SMYD3: variants seen among roughly 807,000 people sequenced by gnomAD.
SMYD3 encodes the protein SET and MYND domain containing 3.
Under a neutral mutation model 57.7 loss-of-function variants are expected in SMYD3, and 36 were observed. The ratio of observed to expected loss-of-function variants is 0.62; its 90% CI spans 0.48 to 0.82. The LOEUF (loss-of-function observed/expected upper bound fraction) is 0.82, where lower values mean the gene tolerates loss of function less well. Ranked by LOEUF, SMYD3 falls within the 40% of genes least tolerant of loss-of-function variation. The pLI, the probability that SMYD3 is intolerant of heterozygous loss-of-function variation, is 0.00. For synonymous variants in SMYD3, 211 were observed against 195.0 expected (o/e 1.08, Z -0.68); for missense variants, 515 against 538.8 (o/e 0.96, Z 0.44).
At chr1:246,142,348 G>A (rs533645782) in intron 5 of SMYD3, among the ~76,000 whole-genome samples, 3 of 152,044 alleles carry the variant, frequency 2.0e-5, no homozygotes, top group East Asian at 1.9e-4. Context: ...CAACCTCAGC[G>A]TATTTTTTTT....
At chr1:245,935,735 A>G (rs950654868) in intron 5 of SMYD3, among the ~76,000 whole-genome samples, 6 of 152,250 alleles carry the variant, frequency 3.9e-5, no homozygotes, top group Non-Finnish European at 5.9e-5. Flanking sequence ...ATTTGCAAGA[A>G]TATGGATGAA....
At chr1:245,804,177 TTGG>T (rs1434086760) in intron 10 of SMYD3, among the ~76,000 whole-genome samples, 3 of 152,056 alleles carry the variant, frequency 2.0e-5, no homozygotes, top group Non-Finnish European at 2.9e-5. Flanking sequence ...TCCCAAAGTG[TTGG>T]GATTACAGGC....
chr1:246,195,757 A>G (rs1558307121), intron 5 of SMYD3, among the ~76,000 whole-genome samples: 1 of 152,172 alleles, frequency 6.6e-6, no homozygotes, highest in Non-Finnish European at 1.5e-5. Flanking sequence ...GTAATACAAC[A>G]TCGCATACCT....
intron 1 of SMYD3, among the ~76,000 whole-genome samples, chr1:246,414,149 G>A (rs913694139): frequency 1.4e-4 from 21 of 152,126 alleles, no homozygotes; most frequent in Admixed American, 1.3e-3. Context: ...CCTACCCCTA[G>A]AGCAGTCAGA....
intron 10 of SMYD3, among the ~76,000 whole-genome samples, chr1:245,824,862 A>C (rs2148354919): frequency 6.6e-6 from 1 of 151,308 alleles, no homozygotes; most frequent in Non-Finnish European, 1.5e-5. Flanking sequence ...GTCTCAAAAA[A>C]AAAAAAACAA....
At chr1:246,001,237 C>A (rs1419018096) in intron 5 of SMYD3, among the ~76,000 whole-genome samples, 1 of 152,150 alleles carries the variant, frequency 6.6e-6, no homozygotes, top group Non-Finnish European at 1.5e-5. Flanking sequence ...AATGACATCT[C>A]GGAAAGTGTT....
chr1:246,455,441 T>C (rs571769865), intron 1 of SMYD3, among the ~76,000 whole-genome samples: 53 of 152,320 alleles, frequency 3.5e-4, no homozygotes, highest in African/African-American at 1.2e-3. Flanking sequence ...ACAAAATCTA[T>C]TACACAAAGC....
chr1:246,492,601 A>G (rs2068289066), intron 1 of SMYD3, among the ~76,000 whole-genome samples: 1 of 152,232 alleles, frequency 6.6e-6, no homozygotes, highest in Admixed American at 6.5e-5. Context: ...AAGAAGGTTA[A>G]CACAGGTTTA....
At chr1:246,489,615 A>T (rs1323418453) in intron 1 of SMYD3, among the ~76,000 whole-genome samples, 2 of 152,220 alleles carry the variant, frequency 1.3e-5, no homozygotes, top group African/African-American at 4.8e-5. Flanking sequence ...CTAAAACATC[A>T]TTAAAAACAA....
chr1:246,285,984 A>C (rs574876644), intron 5 of SMYD3, among the ~76,000 whole-genome samples: 6 of 152,334 alleles, frequency 3.9e-5, no homozygotes, highest in Admixed American at 6.5e-5. Flanking sequence ...AAAAATTTAA[A>C]AAAAATAGAA....
At chr1:246,453,085 C>A (rs1485254705) in intron 1 of SMYD3, among the ~76,000 whole-genome samples, 2 of 152,210 alleles carry the variant, frequency 1.3e-5, no homozygotes, top group Non-Finnish European at 2.9e-5. Context: ...AATACTAAAT[C>A]ATTTAATTCA....
intron 1 of SMYD3, among the ~76,000 whole-genome samples, chr1:246,382,313 T>C (rs1446992241): frequency 6.6e-6 from 1 of 151,818 alleles, no homozygotes; most frequent in Non-Finnish European, 1.5e-5. Flanking sequence ...CCGCTACAAC[T>C]CTAGGTTCCA....
intron 5 of SMYD3, among the ~76,000 whole-genome samples, chr1:246,198,150 C>T (rs1333043085): frequency 6.6e-6 from 1 of 152,162 alleles, no homozygotes; most frequent in Non-Finnish European, 1.5e-5. Flanking sequence ...ACAAATAAGG[C>T]CCAATCAGCC....
chr1:246,308,387 C>A (rs1361911164), intron 5 of SMYD3, among the ~76,000 whole-genome samples: 1 of 152,022 alleles, frequency 6.6e-6, no homozygotes, highest in Non-Finnish European at 1.5e-5. Context: ...TCCACTTTTT[C>A]AATATGCCAT....
At chr1:246,059,023 C>T (rs537114430) in intron 5 of SMYD3, among the ~76,000 whole-genome samples, 14 of 152,146 alleles carry the variant, frequency 9.2e-5, no homozygotes, top group South Asian at 4.2e-4. Flanking sequence ...TGCAGGCGTC[C>T]GCCACCATGC....
chr1:246,402,811 T>C (rs2066794390), intron 1 of SMYD3, among the ~76,000 whole-genome samples: 1 of 152,224 alleles, frequency 6.6e-6, no homozygotes, highest in Non-Finnish European at 1.5e-5. Context: ...AGCCTCCATT[T>C]ACTATAAAGA....
At chr1:246,406,213 C>T (rs926167002) in intron 1 of SMYD3, among the ~76,000 whole-genome samples, 7 of 151,996 alleles carry the variant, frequency 4.6e-5, no homozygotes, top group Admixed American at 1.3e-4. Flanking sequence ...TGTGAGCCAC[C>T]GCGCCCAGCC....
chr1:246,409,938 A>C (rs1264363947), intron 1 of SMYD3, among the ~76,000 whole-genome samples: 2 of 152,158 alleles, frequency 1.3e-5, no homozygotes, highest in Non-Finnish European at 2.9e-5. Context: ...CTTTGAAGCA[A>C]TTGTGAATGG....
chr1:246,328,473 G>A (rs1295916776), intron 4 of SMYD3, among the ~76,000 whole-genome samples: 1 of 152,098 alleles, frequency 6.6e-6, no homozygotes, highest in African/African-American at 2.4e-5. Flanking sequence ...TTACCTAGCA[G>A]TAATATAACA....
Sources: allele counts gnomAD v4.1 joint callset (sites outside exome capture counted in the v4.1 genomes callset), GRCh38; gene constraint gnomAD v4.1.1; transcripts MANE v1.5; gene names NCBI Gene and HGNC (gene_info 2026-07-23, HGNC 2026-07-21).